Variants in IMMP2L observed in about 807,000 individuals in gnomAD.
The protein encoded by IMMP2L is mitochondrial inner membrane protease subunit 2.
In IMMP2L, 18 loss-of-function variants were observed where a neutral mutation model predicts 19.3. The ratio of observed to expected loss-of-function variants is 0.93; its 90% confidence interval spans 0.64 to 1.38. The LOEUF (loss-of-function observed/expected upper bound fraction) is 1.38, where lower values mean the gene tolerates loss of function less well. Ranked by LOEUF, IMMP2L falls within the 40% of genes most tolerant of loss-of-function variation. The pLI, the probability that IMMP2L is intolerant of heterozygous loss-of-function variation, is 0.00. For synonymous variants in IMMP2L, 76 were observed against 73.0 expected, an observed-to-expected ratio of 1.04 and a Z score of -0.21; for missense variants, 233 against 218.2, an observed-to-expected ratio of 1.07 and a Z score of -0.43.
rs529569585 is a variant in IMMP2L, at chr7:111,266,100, AGTTT to A, written c.239+221134_239+221137del. On this transcript the variant is annotated intron_variant, in intron 3 of 5. Coordinates refer to ENST00000405709, the MANE Select transcript of IMMP2L (RefSeq NM_032549.4). ...ATATTAAAGCATATTTTACTTACTT[AGTTT>A]ATTGTCTGTCTTCCTTGAATATAAT... Among the ~76,000 whole-genome samples, 349 of 152,292 alleles carry A rather than the reference AGTTT, an allele frequency of 2.3e-3. 2 individuals are homozygous for A. The highest frequency in any genetic ancestry group is 5.0e-3 in the Admixed American group (77 of 15,298).
chr7:110,925,004 G>T (rs1466764610), intron 4 of IMMP2L, among the ~76,000 whole-genome samples: 1 of 152,162 alleles, frequency 6.6e-6, no homozygotes, highest in Non-Finnish European at 1.5e-5. Context: ...GAATAAAAAG[G>T]AGTATGATGA....
intron 3 of IMMP2L, among the ~76,000 whole-genome samples, chr7:111,343,942 C>G (rs1176072679): frequency 6.6e-6 from 1 of 152,058 alleles, no homozygotes; most frequent in Admixed American, 6.6e-5. Context: ...TTCTCTCTCC[C>G]TGAAACGCTA....
chr7:110,836,957 G>C (rs1804544983), intron 5 of IMMP2L, among the ~76,000 whole-genome samples: 1 of 152,096 alleles, frequency 6.6e-6, no homozygotes, highest in African/African-American at 2.4e-5. Context: ...ATATGGCAAG[G>C]TCCATTACTA....
chr7:111,498,778 A>C (rs1843847974), intron 2 of IMMP2L, among the ~76,000 whole-genome samples: 1 of 151,848 alleles, frequency 6.6e-6, no homozygotes, highest in Non-Finnish European at 1.5e-5. Flanking sequence ...GCTGCATTAT[A>C]AGGAAAAAAA....
chr7:110,856,329 T>C (rs1023131610), intron 5 of IMMP2L, among the ~76,000 whole-genome samples: 1 of 152,152 alleles, frequency 6.6e-6, no homozygotes, highest in Non-Finnish European at 1.5e-5. Context: ...AAGGCATATA[T>C]GGATTACCAC....
intron 3 of IMMP2L, among the ~76,000 whole-genome samples, chr7:111,219,777 G>T (rs1260289293): frequency 1.3e-5 from 2 of 151,438 alleles, no homozygotes; most frequent in Non-Finnish European, 3.0e-5. Flanking sequence ...AATTAATCAT[G>T]TTTTTTTACC....
intron 3 of IMMP2L, among the ~76,000 whole-genome samples, chr7:111,230,395 CA>C (rs1813586498): frequency 6.6e-6 from 1 of 151,946 alleles, no homozygotes; most frequent in South Asian, 2.1e-4. Flanking sequence ...TAAAGAGATT[CA>C]AAAGGGAAGA....
intron 3 of IMMP2L, among the ~76,000 whole-genome samples, chr7:111,422,102 T>G (rs183066758): frequency 1.3e-4 from 19 of 151,918 alleles, no homozygotes; most frequent in Admixed American, 8.5e-4. Flanking sequence ...TTGGTACCAG[T>G]ACCATGCTGT....
intron 3 of IMMP2L, among the ~76,000 whole-genome samples, chr7:111,349,945 T>G (rs1243421695): frequency 1.3e-5 from 2 of 151,324 alleles, no homozygotes; most frequent in East Asian, 3.9e-4. Flanking sequence ...AGCTCATTAC[T>G]TTATTTATCA....
chr7:110,918,703 C>G (rs959085972), intron 4 of IMMP2L, among the ~76,000 whole-genome samples: 1 of 151,684 alleles, frequency 6.6e-6, no homozygotes, highest in African/African-American at 2.4e-5. Flanking sequence ...ATCTGCCCAC[C>G]TCGCCCTCTC....
chr7:111,434,969 A>G (rs1241827113), intron 3 of IMMP2L, among the ~76,000 whole-genome samples: 1 of 151,930 alleles, frequency 6.6e-6, no homozygotes, highest in African/African-American at 2.4e-5. Context: ...TTAGAAGCAC[A>G]ATCATACATT....
intron 4 of IMMP2L, among the ~76,000 whole-genome samples, chr7:110,911,134 G>C (rs1813016132): frequency 6.6e-6 from 1 of 151,852 alleles, no homozygotes; most frequent in South Asian, 2.1e-4. Flanking sequence ...TGATAAAGAT[G>C]AACAACCAGA....
intron 3 of IMMP2L, among the ~76,000 whole-genome samples, chr7:111,114,947 T>A (rs214873): frequency 0.051 from 7,784 of 152,112 alleles, 345 homozygotes; most frequent in African/African-American, 0.12. Flanking sequence ...TGCTGGTAAT[T>A]TTACAGACAG....
chr7:110,928,910 C>T (rs1815172441), intron 4 of IMMP2L, among the ~76,000 whole-genome samples: 1 of 152,050 alleles, frequency 6.6e-6, no homozygotes, highest in Admixed American at 6.6e-5. Context: ...AATGTAGTGA[C>T]CTAGCCACAG....
intron 5 of IMMP2L, among the ~76,000 whole-genome samples, chr7:110,834,664 A>C (rs1804272520): frequency 6.6e-6 from 1 of 152,200 alleles, no homozygotes; most frequent in Non-Finnish European, 1.5e-5. Context: ...TCAAAAACTT[A>C]ACTCTTGAGT....
intron 5 of IMMP2L, among the ~76,000 whole-genome samples, chr7:110,780,090 T>G (rs925144720): frequency 1.3e-5 from 2 of 151,770 alleles, no homozygotes; most frequent in African/African-American, 2.4e-5. Context: ...CTTTGACACA[T>G]GAGTTATTTA....
At chr7:110,980,145 C>CT (rs1450689543) in intron 3 of IMMP2L, among the ~76,000 whole-genome samples, 3 of 151,330 alleles carry the variant, frequency 2.0e-5, no homozygotes, top group African/African-American at 7.3e-5. Flanking sequence ...TGAAACCGTC[C>CT]TTTGCTGATC....
chr7:111,201,789 A>G (rs1483675298), intron 3 of IMMP2L, among the ~76,000 whole-genome samples: 5 of 152,078 alleles, frequency 3.3e-5, no homozygotes, highest in Admixed American at 2.0e-4. Context: ...CTCCGCCCTC[A>G]TGAATGAGAT....
intron 3 of IMMP2L, among the ~76,000 whole-genome samples, chr7:111,418,608 T>A (rs1835171974): frequency 6.6e-6 from 1 of 151,912 alleles, no homozygotes; most frequent in African/African-American, 2.4e-5. Context: ...TTTGCAGTGC[T>A]ACTGCCAGTG....
Sources: allele counts gnomAD v4.1 joint callset (sites outside exome capture counted in the v4.1 genomes callset), GRCh38; gene constraint gnomAD v4.1.1; transcripts MANE v1.5; gene names NCBI Gene and HGNC (gene_info 2026-07-23, HGNC 2026-07-21).